Variants in HUWE1 observed in about 807,000 individuals in gnomAD.
HUWE1 encodes the protein HECT, UBA and WWE domain containing E3 ubiquitin protein ligase 1.
In HUWE1, 18 loss-of-function variants were observed where a neutral mutation model predicts 299.4. That is an observed-to-expected ratio of 0.06 (90% CI 0.04 to 0.09). The LOEUF (loss-of-function observed/expected upper bound fraction) is 0.09, where lower values mean the gene tolerates loss of function less well. HUWE1 is among the 10% of genes least tolerant of loss of function. The probability of loss-of-function intolerance (pLI) is 1.00; values close to 1 mark genes in which losing one functional copy is unlikely to be tolerated. For missense variants in HUWE1, 1,832 were observed against 3,462.3 expected, an observed-to-expected ratio of 0.53 and a Z score of 11.82; for synonymous variants, 1,317 against 1,286.1, an observed-to-expected ratio of 1.02 and a Z score of -0.51.
At chrX:53,571,164 T>C (rs2062808697) in intron 47 of HUWE1, among the ~76,000 whole-genome samples, 1 of 111,913 alleles carries the variant, frequency 8.9e-6, no homozygotes, top group South Asian at 3.7e-4. Flanking sequence ...GGATTAACAA[T>C]AGTATTTATA....
chrX:53,607,497 A>G, intron 25 of HUWE1, 26 bp downstream of exon 25: 1 of 1,198,059 alleles, frequency 8.3e-7, no homozygotes, highest in Non-Finnish European at 1.1e-6. Context: ...GAAAGAAATG[A>G]AAACATTTGG....
chrX:53,569,229 G>A (rs1262910627), intron 48 of HUWE1, among the ~76,000 whole-genome samples: 5 of 112,193 alleles, frequency 4.5e-5, no homozygotes, highest in African/African-American at 1.6e-4. Flanking sequence ...ATGTTGCCAA[G>A]GCTGGTCTTC....
In HUWE1 at chrX:53,548,058, A is replaced by G; in HGVS notation, c.10251T>C (p.Gly3417=). The G allele has an allele frequency of 8.3e-7, 1 of 1,209,656 alleles. No individual in the cohort carries two copies. Among genetic ancestry groups the G allele is most frequent in the African/African-American group, 1.7e-5 (1 of 57,747 alleles). Residue 3417 remains glycine (G), a synonymous_variant, in exon 68 of 84, where the codon GGT becomes GGC. Transcript: ENST00000262854. ...GGCTGTATGGAGAGGTTTCCCCCTCACCGCCAGCGCTCACTGGCACTGACT... is the reference window on the plus strand; with the variant it reads ...GGCTGTATGGAGAGGTTTCCCCCTCGCCGCCAGCGCTCACTGGCACTGACT... ...SVKSVPVSAG[G]EGETSPYSLE...
At position 53,587,852 on chromosome X, in the gene HUWE1, T is replaced by G. The variant is rs782752567; in HGVS notation, c.4614+530A>C. Reference sequence around the variant, plus strand: ...AATTGCCTCCTAGTTCCTACGTTGGTTGGATCAGGTCTTGCCCAAACCACT... The same window carrying G: ...AATTGCCTCCTAGTTCCTACGTTGGGTGGATCAGGTCTTGCCCAAACCACT... On this transcript the variant is annotated intron_variant, in intron 37 of 83. Transcript: ENST00000262854. Among the ~76,000 whole-genome samples the G allele has an allele frequency of 2.7e-5, 3 of 111,798 alleles. 1 individual carries two copies. The highest frequency in any genetic ancestry group is 7.5e-4 in the South Asian group (2 of 2,663).
chrX:53,573,977 G>GTCAAA lies in HUWE1; in HGVS notation c.6098-18_6098-14dup. Reference sequence around the variant, plus strand: ...TCTGGAGTTGAAGCTGTTGAGAAAAGTCAAACACTGGTTCAATTCCACACT... The same window carrying GTCAAA: ...TCTGGAGTTGAAGCTGTTGAGAAAAGTCAAATCAAACACTGGTTCAATTCCACACT... On this transcript the variant is annotated splice_polypyrimidine_tract_variant and intron_variant, in intron 46 of 83. Transcript: ENST00000262854. 1 of 1,171,636 alleles carries GTCAAA rather than the reference G, an allele frequency of 8.5e-7. No homozygotes were observed. Among genetic ancestry groups the GTCAAA allele is most frequent in the Non-Finnish European group, 1.2e-6 (1 of 859,980 alleles).
rs1556926174 is a variant in HUWE1, at chrX:53,549,166, C to T, written c.9828G>A (p.Glu3276=). 8.2e-7 allele frequency: 1 copy of T among 1,212,267 alleles called. No homozygotes were observed. Among genetic ancestry groups the T allele is most frequent in the Admixed American group, 2.2e-5 (1 of 46,148 alleles). Residue 3276 remains glutamate, a synonymous_variant, in exon 67 of 84, where the codon GAG becomes GAA. Coordinates refer to ENST00000262854, the MANE Select transcript of HUWE1 (RefSeq NM_031407.7). The part of the protein sequence containing the change: ...NRPLDLLHKM[E]SKSSNQLSWL... ...AGGAAAGCTGGTTGGAGCTCTTTGACTCCATCTTGTGTAGCAGGTCCAGGG... is the reference window on the plus strand; with the variant it reads ...AGGAAAGCTGGTTGGAGCTCTTTGATTCCATCTTGTGTAGCAGGTCCAGGG...
At chrX:53,552,580 A>G in intron 62 of HUWE1, 58 bp downstream of exon 62, 1 of 1,207,462 alleles carries the variant, frequency 8.3e-7, no homozygotes, top group Admixed American at 2.2e-5. Context: ...CGAGTATGAA[A>G]TGTGCTTTGA....
intron 23 of HUWE1, among the ~76,000 whole-genome samples, chrX:53,613,144 A>G (rs1429080184): frequency 1.8e-5 from 2 of 111,767 alleles, no homozygotes; most frequent in African/African-American, 6.5e-5. Flanking sequence ...CTCCTCTTCT[A>G]GAAAAAGAAC....
At chrX:53,533,787 C>G (rs933380961) in intron 83 of HUWE1, 7 of 467,721 alleles carry the variant, frequency 1.5e-5, no homozygotes, top group African/African-American at 9.6e-5. Flanking sequence ...ACACCATGCT[C>G]TCTTGTGGTG....
intron 9 of HUWE1, 64 bp downstream of exon 9, chrX:53,632,423 G>T: frequency 4.8e-6 from 4 of 833,950 alleles, no homozygotes; most frequent in Non-Finnish European, 7.3e-6. Context: ...AGGAGTTCTA[G>T]AAGAGGCAAT....
intron 47 of HUWE1, among the ~76,000 whole-genome samples, chrX:53,572,862 C>T (rs1556953017): frequency 1.8e-5 from 2 of 111,366 alleles, no homozygotes; most frequent in Non-Finnish European, 3.8e-5. Context: ...AGATGTCCCA[C>T]AGATACTTCT....
At position 53,575,272 on chromosome X, in the gene HUWE1, C is replaced by A. The variant is rs368977090; in HGVS notation, c.6031-51G>T. On this transcript the variant is annotated intron_variant, in intron 45 of 83. Transcript: ENST00000262854. Reference sequence around the variant, plus strand: ...TATTATGAATTTCAAAAGCACCCGTCTGCAAATGGCAGAACTCCTTCCCAG... The same window carrying A: ...TATTATGAATTTCAAAAGCACCCGTATGCAAATGGCAGAACTCCTTCCCAG... The A allele has an allele frequency of 7.1e-5, 68 of 958,532 alleles. No homozygotes were observed. The African/African-American group carries it at 1.2e-3, about 17-fold the overall frequency. 79.0% of individuals were successfully genotyped at this position (958,532 alleles called of 1,213,427 possible).
chrX:53,681,871 T>C (rs1435514646), intron 2 of HUWE1, among the ~76,000 whole-genome samples: 3 of 112,152 alleles, frequency 2.7e-5, no homozygotes, highest in Non-Finnish European at 5.6e-5. Context: ...CACTTGGGTG[T>C]GGTTCTTGAC....
chrX:53,649,739 C>G (rs1354102667), intron 4 of HUWE1, among the ~76,000 whole-genome samples: 2 of 112,214 alleles, frequency 1.8e-5, no homozygotes, highest in Non-Finnish European at 3.8e-5. Flanking sequence ...GCTGGACCTA[C>G]TTGGGTCCAG....
At chrX:53,672,726 T>C in intron 3 of HUWE1, among the ~76,000 whole-genome samples, 1 of 112,156 alleles carries the variant, frequency 8.9e-6, no homozygotes, top group African/African-American at 3.2e-5. Flanking sequence ...CATTGTGCTA[T>C]GTTTTCAGCA....
At chrX:53,613,102 C>CA (rs782515512) in intron 23 of HUWE1, among the ~76,000 whole-genome samples, 55 of 110,709 alleles carry the variant, frequency 5.0e-4, no homozygotes, top group African/African-American at 1.7e-3. Context: ...GACTCGTCTA[C>CA]AAAAAAAAGT....
At chrX:53,627,995 GA>G (rs1557019452) in intron 15 of HUWE1, 116 bp from the exon 16 acceptor site, 6 of 630,093 alleles carry the variant, frequency 9.5e-6, no homozygotes, top group Non-Finnish European at 1.5e-5. Flanking sequence ...CAGTATGGGG[GA>G]AAACATGTGT....
At chrX:53,661,571 T>A (rs1299087671) in intron 3 of HUWE1, among the ~76,000 whole-genome samples, 1 of 110,338 alleles carries the variant, frequency 9.1e-6, no homozygotes, top group Non-Finnish European at 1.9e-5. Context: ...CTATTACATT[T>A]AAAAAAAAAT....
intron 34 of HUWE1, among the ~76,000 whole-genome samples, chrX:53,590,726 G>A (rs1316655304): frequency 8.9e-6 from 1 of 112,236 alleles, no homozygotes; most frequent in Non-Finnish European, 1.9e-5. Context: ...TAGGAAGGAG[G>A]CTTACAGTGT....
Sources: allele counts gnomAD v4.1 joint callset (sites outside exome capture counted in the v4.1 genomes callset), GRCh38; gene constraint gnomAD v4.1.1; transcripts MANE v1.5; gene names NCBI Gene and HGNC (gene_info 2026-07-23, HGNC 2026-07-21).